Variants in RUNX1 observed in about 807,000 individuals in gnomAD.
RUNX1 encodes the protein RUNX family transcription factor 1, also known as runt-related transcription factor 1.
RUNX1 carries 19 observed loss-of-function variants against 42.8 expected under a neutral mutation model. The ratio of observed to expected loss-of-function variants is 0.44; its 90% CI spans 0.31 to 0.65. The LOEUF (loss-of-function observed/expected upper bound fraction) is 0.65. Among genes scored for constraint, RUNX1 ranks in the 30% least tolerant of loss-of-function variants. The pLI, the probability that RUNX1 is intolerant of heterozygous loss-of-function variation, is 0.07. For missense variants in RUNX1, 528 were observed against 672.0 expected (o/e 0.79, Z 2.37); for synonymous variants, 271 against 289.4 (o/e 0.94, Z 0.64).
rs2057279344 is a variant in RUNX1, at chr21:34,843,900, C to T, written c.614-9299G>A. The stretch of plus-strand genomic sequence containing the variant: ...CTGGTGACTAAGGAGGTAACTTGAG[C>T]TCAGGGCAGAGAAGCCACCTGCTGG... On this transcript the variant is annotated intron_variant, in intron 6 of 8. Coordinates refer to ENST00000675419, the MANE Select transcript of RUNX1 (RefSeq NM_001754.5). The surrounding 1 kb of genome is among the most constrained non-coding windows in gnomAD (Gnocchi z 4.8). Among the ~76,000 whole-genome samples, 1 of 152,208 alleles carries T rather than the reference C, an allele frequency of 6.6e-6. No homozygotes were observed. Among genetic ancestry groups the T allele is most frequent in the South Asian group, 2.1e-4 (1 of 4,832 alleles).
chr21:34,967,350 A>G (rs539628496), intron 2 of RUNX1, among the ~76,000 whole-genome samples: 439 of 142,972 alleles, frequency 3.1e-3, no homozygotes, highest in African/African-American at 7.3e-3. Context: ...AAAAAAAAAA[A>G]AAGAAGAATA....
chr21:34,905,922 T>C (rs1250393622), intron 2 of RUNX1, among the ~76,000 whole-genome samples: 1 of 152,156 alleles, frequency 6.6e-6, no homozygotes, highest in African/African-American at 2.4e-5. Flanking sequence ...CTTTAAAAAT[T>C]TTAAATGTTG....
At chr21:34,839,008 G>A (rs986216559) in intron 6 of RUNX1, among the ~76,000 whole-genome samples, 92 of 151,780 alleles carry the variant, frequency 6.1e-4, no homozygotes, top group African/African-American at 2.2e-3. Context: ...CCAGTGCTAC[G>A]TAACTATGGG....
intron 2 of RUNX1, among the ~76,000 whole-genome samples, chr21:35,024,503 T>C (rs890534108): frequency 6.6e-6 from 1 of 152,240 alleles, no homozygotes; most frequent in African/African-American, 2.4e-5. Flanking sequence ...AATCAGAGCA[T>C]GTCTGTGGTA....
intron 6 of RUNX1, among the ~76,000 whole-genome samples, chr21:34,837,924 GA>G (rs1169091785): frequency 6.6e-6 from 1 of 152,136 alleles, no homozygotes; most frequent in Non-Finnish European, 1.5e-5. Flanking sequence ...TGAAAAAAAT[GA>G]AAGTACTTGC....
chr21:34,927,304 A>C (rs1004937393), intron 2 of RUNX1, among the ~76,000 whole-genome samples: 2 of 152,164 alleles, frequency 1.3e-5, no homozygotes, highest in African/African-American at 4.8e-5. Context: ...CGTAACACAG[A>C]ATGCACAAGA....
chr21:34,962,233 G>A (rs891349462), intron 2 of RUNX1, among the ~76,000 whole-genome samples: 1 of 152,120 alleles, frequency 6.6e-6, no homozygotes, highest in African/African-American at 2.4e-5. Context: ...TTTATAGATT[G>A]TTTTGATGTT....
chr21:34,938,993 G>A (rs777709486), intron 2 of RUNX1, among the ~76,000 whole-genome samples: 11 of 151,980 alleles, frequency 7.2e-5, no homozygotes, highest in Admixed American at 1.3e-4. Flanking sequence ...CTCAAACAGC[G>A]GCAAATTTCT....
rs1262100304 is a variant in RUNX1 at position 34,798,111 on chromosome 21, C to T, written c.967+1190G>A. The T allele has an allele frequency of 3.3e-5, 15 of 456,538 alleles. No individual in the cohort carries two copies. In the Middle Eastern group the frequency reaches 9.7e-4, roughly 29 times the overall value. 28.3% of individuals were successfully genotyped at this position (456,538 alleles called of 1,614,324 possible). ...CAACTGTCTGGAAAACACAACATTA[C>T]ACAACATTTAAAATGGCAGACATGA... On this transcript the variant is annotated intron_variant, in intron 8 of 8. Coordinates refer to ENST00000675419, the MANE Select transcript of RUNX1 (RefSeq NM_001754.5).
At chr21:34,814,908 T>C (rs1241755842) in intron 7 of RUNX1, among the ~76,000 whole-genome samples, 1 of 152,130 alleles carries the variant, frequency 6.6e-6, no homozygotes, top group Non-Finnish European at 1.5e-5. Flanking sequence ...ACATCTCCCT[T>C]TGTGTTCACT....
intron 7 of RUNX1, among the ~76,000 whole-genome samples, chr21:34,817,028 T>C (rs1464829953): frequency 1.3e-5 from 2 of 152,160 alleles, no homozygotes; most frequent in East Asian, 3.9e-4. Context: ...CTTCGGCCAC[T>C]TTCCTCCAAA....
chr21:34,841,750 T>A (rs2057238990), intron 6 of RUNX1, among the ~76,000 whole-genome samples: 1 of 152,172 alleles, frequency 6.6e-6, no homozygotes, highest in Non-Finnish European at 1.5e-5. Context: ...ACCCTTCAAG[T>A]ATTTGCTGAA....
intron 2 of RUNX1, among the ~76,000 whole-genome samples, chr21:34,944,831 A>G (rs1287682593): frequency 2.6e-5 from 4 of 152,226 alleles, no homozygotes; most frequent in Non-Finnish European, 5.9e-5. Flanking sequence ...ACTAATGACT[A>G]ACTATATGAA....
At chr21:34,831,268 T>C (rs113310998) in intron 7 of RUNX1, among the ~76,000 whole-genome samples, 3 of 152,114 alleles carry the variant, frequency 2.0e-5, no homozygotes, top group South Asian at 2.1e-4. Flanking sequence ...CCTGGTAAAA[T>C]AGGAAGTTGA....
chr21:35,005,093 T>C (rs78571420), intron 2 of RUNX1, among the ~76,000 whole-genome samples: 2 of 152,172 alleles, frequency 1.3e-5, no homozygotes, highest in African/African-American at 4.8e-5. Context: ...CATAGGTAGA[T>C]TTTATTGATG....
At chr21:34,947,208 C>A (rs1325229302) in intron 2 of RUNX1, among the ~76,000 whole-genome samples, 1 of 152,120 alleles carries the variant, frequency 6.6e-6, no homozygotes. Flanking sequence ...ACAATATAGC[C>A]CTGTGTTCAT....
At chr21:35,009,933 T>C (rs1328945102) in intron 2 of RUNX1, among the ~76,000 whole-genome samples, 3 of 152,178 alleles carry the variant, frequency 2.0e-5, no homozygotes, top group Non-Finnish European at 4.4e-5. Flanking sequence ...CTTGCAAGCA[T>C]TAAGGTCCTA....
At position 34,792,309 on chromosome 21, in the gene RUNX1, G is replaced by GGGGGC; in HGVS notation, c.1268_1269insGCCCC (p.Ser424ProfsTer172). On this transcript the variant is annotated frameshift_variant, in exon 9 of 9. Coordinates refer to ENST00000675419, the MANE Select transcript of RUNX1 (RefSeq NM_001754.5). LOFTEE classifies it high-confidence loss of function. The surrounding 1 kb of genome is among the most constrained non-coding windows in gnomAD (Gnocchi z 6.9). Reference sequence around the variant, plus strand: ...AGGGCGGCAGGATGCGCGGCGGCGAGCGCTCGCCGCCCACCATGGAGAACT... The same window carrying GGGGGC: ...AGGGCGGCAGGATGCGCGGCGGCGAGGGGGCCGCTCGCCGCCCACCATGGAGAACT... 2 of 1,542,478 alleles carry GGGGGC rather than the reference G, an allele frequency of 1.3e-6. No individual in the cohort carries two copies. The highest frequency in any genetic ancestry group is 2.5e-5 in the East Asian group (1 of 40,786).
chr21:34,938,158 T>C (rs1208276826), intron 2 of RUNX1, among the ~76,000 whole-genome samples: 1 of 152,198 alleles, frequency 6.6e-6, no homozygotes, highest in African/African-American at 2.4e-5. Context: ...CATGAAGTGA[T>C]TGAGATATTA....
Sources: gnomAD v4.1 joint callset for allele counts (sites outside exome capture counted in the v4.1 genomes callset) on GRCh38, gnomAD v4.1.1 for gene constraint, Gnocchi (gnomAD v3.1) non-coding constraint, MANE v1.5 for transcripts, NCBI Gene and HGNC (gene_info 2026-07-23, HGNC 2026-07-21) for gene names.